The following MARCHF2 variants were observed in gnomAD, a reference collection of about 807,000 sequenced individuals.
MARCHF2 encodes membrane associated ring-CH-type finger 2.
A neutral mutation model predicts 24.0 loss-of-function variants in MARCHF2; 22 were observed. That is an observed-to-expected ratio of 0.92 (90% CI 0.66 to 1.31). The LOEUF (loss-of-function observed/expected upper bound fraction) is 1.31, where lower values mean the gene tolerates loss of function less well. MARCHF2 is among the 50% of genes most tolerant of loss of function. The pLI is 0.00. For missense variants in MARCHF2, 301 were observed against 335.3 expected (o/e 0.90, Z 0.80); for synonymous variants, 154 against 153.0 (o/e 1.01, Z -0.05).
At chr19:8,415,745 A>AAAAAAAAAAAAAAAAAAAAAAAAAC (rs1568233711) in intron 1 of MARCHF2, among the ~76,000 whole-genome samples, 10 of 54,002 alleles carry the variant, frequency 1.9e-4, no homozygotes, top group East Asian at 9.2e-4. Flanking sequence ...CAAAAAAAAC[A>AAAAAAAAAAAAAAAAAAAAAAAAAC]AAAAAAAAAA....
intron 3 of MARCHF2, among the ~76,000 whole-genome samples, chr19:8,428,450 T>A (rs1490918233): frequency 6.6e-6 from 1 of 150,618 alleles, no homozygotes; most frequent in East Asian, 2.0e-4. Flanking sequence ...ACTAAGCCAC[T>A]GCACTCCAGC....
intron 1 of MARCHF2, among the ~76,000 whole-genome samples, chr19:8,419,418 C>T (rs1331730124): frequency 2.0e-5 from 3 of 152,068 alleles, no homozygotes; most frequent in East Asian, 1.9e-4. Context: ...CATTTGAGCC[C>T]GGGAGGCGGA....
At position 8,430,538 on chromosome 19, in the gene MARCHF2, A is replaced by C. The variant is rs1599713542; in HGVS notation, c.373-120A>C. Reference sequence around the variant, plus strand: ...CAACAGAGTGAGAATCTGTCTCAAAAAAAAAAAAAAGAAAGAAGGAAAGGA... The same window carrying C: ...CAACAGAGTGAGAATCTGTCTCAAACAAAAAAAAAAGAAAGAAGGAAAGGA... On this transcript the variant is annotated intron_variant, in intron 3 of 4. Transcript: ENST00000215555. The surrounding 1 kb of genome is among the most constrained non-coding windows in gnomAD (Gnocchi z 4.4). 6 of 771,054 alleles carry C rather than the reference A, an allele frequency of 7.8e-6. No individual in the cohort carries two copies. The East Asian group carries it at 1.6e-4, about 21-fold the overall frequency. The allele number at this position is 771,054 out of a possible 1,614,324, so 47.8% of individuals were successfully genotyped here.
intron 1 of MARCHF2, among the ~76,000 whole-genome samples, chr19:8,416,958 A>C (rs1244148073): frequency 1.3e-5 from 2 of 152,122 alleles, no homozygotes; most frequent in Non-Finnish European, 2.9e-5. Context: ...GATGATGACT[A>C]TGTATGGAGA....
At chr19:8,421,382 C>CTTTTTTTTTTTTTTTTTT (rs1254772289) in intron 1 of MARCHF2, among the ~76,000 whole-genome samples, 306 of 111,636 alleles carry the variant, frequency 2.7e-3, no homozygotes, top group Non-Finnish European at 4.1e-3. Context: ...TCTTTCTTTT[C>CTTTTTTTTTTTTTTTTTT]TTTTTTTTTT....
chr19:8,413,691 A>AGGAGGTGGCTGGT (rs1339681767), intron 1 of MARCHF2: 1 of 152,222 alleles, frequency 6.6e-6, no homozygotes, highest in African/African-American at 2.4e-5. Flanking sequence ...GGGAGGATTC[A>AGGAGGTGGCTGGT]GGAGGTGGCT....
At chr19:8,424,064 T>G (rs1391974463) in intron 2 of MARCHF2, among the ~76,000 whole-genome samples, 1 of 151,896 alleles carries the variant, frequency 6.6e-6, no homozygotes, top group Non-Finnish European at 1.5e-5. Flanking sequence ...AAATAGCTCT[T>G]CTTTGTGTGA....
chr19:8,424,383 C>T (rs1316981447), intron 2 of MARCHF2, among the ~76,000 whole-genome samples: 2 of 151,704 alleles, frequency 1.3e-5, no homozygotes, highest in Non-Finnish European at 1.5e-5. Flanking sequence ...TCTACCTTTC[C>T]CAGGCCTTGC....
chr19:8,426,092 G>A (rs1291109908), intron 2 of MARCHF2, among the ~76,000 whole-genome samples: 8 of 151,756 alleles, frequency 5.3e-5, no homozygotes, highest in African/African-American at 1.5e-4. Flanking sequence ...TTAGCCGGGC[G>A]TGGTGGCAGG....
intron 4 of MARCHF2, among the ~76,000 whole-genome samples, chr19:8,436,989 A>AT (rs34972879): frequency 0.011 from 1,440 of 134,616 alleles, 15 homozygotes; most frequent in East Asian, 0.042. Flanking sequence ...TGCGCCCAGC[A>AT]TTTTTTTTTT....
chr19:8,436,589 T>G (rs1967728486), intron 4 of MARCHF2, among the ~76,000 whole-genome samples: 1 of 152,026 alleles, frequency 6.6e-6, no homozygotes, highest in African/African-American at 2.4e-5. Context: ...GTCCTATAGT[T>G]GGAGTCATTC....
At chr19:8,423,951 G>A (rs1440352750) in intron 2 of MARCHF2, among the ~76,000 whole-genome samples, 2 of 144,070 alleles carry the variant, frequency 1.4e-5, no homozygotes, top group Admixed American at 7.3e-5. Flanking sequence ...GCAGTGAGCT[G>A]TGATTGCACC....
chr19:8,426,750 C>T lies in MARCHF2; in HGVS notation c.318C>T (p.Cys106=), dbSNP rs201229492. The T allele has an allele frequency of 9.3e-6, 15 of 1,612,566 alleles. No individual in the cohort carries two copies. The highest frequency in any genetic ancestry group is 1.2e-5 in the Non-Finnish European group (14 of 1,180,016). Residue 106 remains cysteine, a synonymous_variant, in exon 3 of 5, where the codon TGC becomes TGT. Transcript: ENST00000215555. ...TTTCCTCATCTAACACCAGCTACTG[C>T]GAGCTGTGCCACACGGAGTTTGCAG... The part of the protein sequence containing the change: ...KWLSSSNTSY[C]ELCHTEFAVE...
intron 3 of MARCHF2, among the ~76,000 whole-genome samples, chr19:8,428,673 A>C (rs1278195279): frequency 2.0e-5 from 3 of 147,766 alleles, no homozygotes; most frequent in Admixed American, 6.8e-5. Flanking sequence ...AAAAAAAAAA[A>C]AAAAAAAAAA....
intron 3 of MARCHF2, 91 bp downstream of exon 3, chr19:8,426,895 TC>T: frequency 8.2e-7 from 1 of 1,216,988 alleles, no homozygotes; most frequent in Non-Finnish European, 1.2e-6. Flanking sequence ...AATCTGGTGG[TC>T]CTCCTAGGGC....
At chr19:8,433,132 C>T (rs370714815) in intron 4 of MARCHF2, among the ~76,000 whole-genome samples, 19 of 151,944 alleles carry the variant, frequency 1.3e-4, no homozygotes, top group East Asian at 1.2e-3. Flanking sequence ...GGTGGAGGAT[C>T]GCTTGAGCAC....
rs905548203 is a variant in MARCHF2, at chr19:8,413,331, C to T, written c.-142C>T. The T allele has an allele frequency of 5.3e-5, 8 of 151,852 alleles. No homozygotes were observed. The highest frequency in any genetic ancestry group is 1.9e-4 in the African/African-American group (8 of 41,394). The allele number at this position is 151,852 out of a possible 1,614,324, so 9.4% of individuals were successfully genotyped here. A position where few individuals can be genotyped will look rare whatever the true frequency, so the allele number is the denominator to read the frequency against. On this transcript the variant is annotated 5_prime_UTR_variant, in exon 1 of 5. Transcript: ENST00000215555. Reference sequence around the variant, plus strand: ...GACGCAGGTGCCGGCCGGAGCGGAGCTAGTGGCGCCGACGGGCCGGGCCGG... The same window carrying T: ...GACGCAGGTGCCGGCCGGAGCGGAGTTAGTGGCGCCGACGGGCCGGGCCGG...
intron 3 of MARCHF2, among the ~76,000 whole-genome samples, chr19:8,429,433 C>T (rs547679773): frequency 7.9e-5 from 12 of 151,692 alleles, no homozygotes; most frequent in Admixed American, 5.9e-4. Flanking sequence ...GCCTGGGCAA[C>T]ACAGCAAGAC....
intron 3 of MARCHF2, among the ~76,000 whole-genome samples, chr19:8,428,676 A>AC (rs1967486476): frequency 6.7e-6 from 1 of 148,244 alleles, no homozygotes; most frequent in Non-Finnish European, 1.5e-5. Context: ...AAAAAAAAAA[A>AC]AAAAAAACCA....
Sources: allele counts gnomAD v4.1 joint callset (sites outside exome capture counted in the v4.1 genomes callset), GRCh38; gene constraint gnomAD v4.1.1; non-coding constraint Gnocchi (gnomAD v3.1); transcripts MANE v1.5; gene names NCBI Gene and HGNC (gene_info 2026-07-23, HGNC 2026-07-21).